The following ZNF138 variants were observed in gnomAD, a reference collection of about 807,000 sequenced individuals.
ZNF138 encodes zinc finger protein 138 (clone pHZ-32).
A neutral mutation model predicts 33.0 loss-of-function variants in ZNF138; 33 were observed. The ratio of observed to expected loss-of-function variants is 1.00; its 90% CI spans 0.76 to 1.34. The LOEUF is 1.34. Among genes scored for constraint, ZNF138 ranks in the 40% most tolerant of loss-of-function variants. ZNF138 has a pLI of 0.00. For missense variants in ZNF138, 360 were observed against 370.8 expected (o/e 0.97, Z 0.24); for synonymous variants, 139 against 120.4 (o/e 1.15, Z -1.01).
At chr7:64,852,515 A>G in the ZNF138 span, 1 of 1,574,178 alleles carries the variant, frequency 6.4e-7, no homozygotes, top group Non-Finnish European at 8.7e-7. Context: ...AATCCCAATA[A>G]TCCATGCTTG....
At chr7:64,815,777 T>G in intron 3 of ZNF138, 124 bp downstream of exon 3, 1 of 898,088 alleles carries the variant, frequency 1.1e-6, no homozygotes, top group Admixed American at 3.0e-5. Flanking sequence ...AAGCCTGAGT[T>G]TTTTATTTTG....
At chr7:64,805,872 C>T (rs142300373) in intron 1 of ZNF138, among the ~76,000 whole-genome samples, 18 of 152,280 alleles carry the variant, frequency 1.2e-4, no homozygotes, top group Non-Finnish European at 2.4e-4. Flanking sequence ...GGATGGCCTC[C>T]CCAATTACCA....
At chr7:64,845,101 G>C in the ZNF138 span, among the ~76,000 whole-genome samples, 1 of 152,130 alleles carries the variant, frequency 6.6e-6, no homozygotes, top group Non-Finnish European at 1.5e-5. Flanking sequence ...ACTCCTCTCT[G>C]AGTCTCCACC....
chr7:64,798,085 C>T (rs1053187041), intron 1 of ZNF138, among the ~76,000 whole-genome samples: 7 of 152,026 alleles, frequency 4.6e-5, no homozygotes, highest in African/African-American at 2.4e-5. Flanking sequence ...GGATTACAGC[C>T]GCCCACCACC....
chr7:64,816,305 T>C (rs1490400583), intron 3 of ZNF138, among the ~76,000 whole-genome samples: 2 of 152,084 alleles, frequency 1.3e-5, no homozygotes, highest in Non-Finnish European at 2.9e-5. Context: ...CATGGCACTT[T>C]AACAAAATTT....
At chr7:64,821,035 G>GTTTTT (rs71061313) in intron 3 of ZNF138, among the ~76,000 whole-genome samples, 6 of 146,006 alleles carry the variant, frequency 4.1e-5, no homozygotes, top group African/African-American at 1.5e-4. Flanking sequence ...TGAGGTGATT[G>GTTTTT]TTTTTTTTTG....
At chr7:64,859,492 A>G in the ZNF138 span, among the ~76,000 whole-genome samples, 1 of 152,222 alleles carries the variant, frequency 6.6e-6, no homozygotes, top group Non-Finnish European at 1.5e-5. Context: ...TTAAGGGACT[A>G]TGAGGTGATC....
chr7:64,831,831 TGTGAA>T lies in ZNF138; in HGVS notation c.591_595del (p.Cys197Ter). The stretch of plus-strand genomic sequence containing the variant: ...TCATACTAGAGAGAATTTCTACAAA[TGTGAA>T]GAGTGTGGAAAAACCTTTAACTGGT... On this transcript the variant is annotated frameshift_variant, in exon 4 of 4. Transcript: ENST00000307355. LOFTEE classifies it high-confidence loss of function. 6.2e-7 allele frequency: 1 copy of T among 1,613,854 alleles called. No homozygotes were observed. Among genetic ancestry groups the T allele is most frequent in the Non-Finnish European group, 8.5e-7 (1 of 1,179,910 alleles).
the ZNF138 span, among the ~76,000 whole-genome samples, chr7:64,850,534 C>T: frequency 6.6e-6 from 1 of 151,984 alleles, no homozygotes; most frequent in African/African-American, 2.4e-5. Context: ...AATTCAAAGC[C>T]AAAAATGTTG....
At chr7:64,831,396 T>G in intron 3 of ZNF138, 55 bp from the exon 4 acceptor site, 1 of 1,411,544 alleles carries the variant, frequency 7.1e-7, no homozygotes, top group Admixed American at 2.3e-5. Context: ...ATTTGTAAAG[T>G]ATATTCATCT....
intron 3 of ZNF138, among the ~76,000 whole-genome samples, chr7:64,826,157 T>A (rs1249433046): frequency 6.6e-6 from 1 of 152,202 alleles, no homozygotes; most frequent in Non-Finnish European, 1.5e-5. Flanking sequence ...ATTGATTGTT[T>A]AAAGAAAGGA....
chr7:64,794,725 G>A (rs1254065801), intron 1 of ZNF138, among the ~76,000 whole-genome samples, 154 bp downstream of exon 1: 3 of 152,204 alleles, frequency 2.0e-5, no homozygotes, highest in Non-Finnish European at 4.4e-5. Flanking sequence ...GTCCCCTTAA[G>A]CCATAGCATG....
At chr7:64,814,109 C>A in intron 1 of ZNF138, 1 of 1,222,168 alleles carries the variant, frequency 8.2e-7, no homozygotes, top group Non-Finnish European at 1.0e-6. Context: ...GGATATTTAA[C>A]AAGATATTCT....
intron 1 of ZNF138, among the ~76,000 whole-genome samples, chr7:64,813,725 C>T (rs971444241): frequency 7.0e-4 from 107 of 152,036 alleles, no homozygotes; most frequent in African/African-American, 2.5e-3. Flanking sequence ...TGAGTCACCC[C>T]GCCTGGCCAA....
At position 64,831,723 on chromosome 7, in the gene ZNF138, CAT is replaced by C; in HGVS notation, c.483_484del (p.Thr162Ter). 2 of 1,613,316 alleles carry C rather than the reference CAT, an allele frequency of 1.2e-6. No individual in the cohort carries two copies. Among genetic ancestry groups the C allele is most frequent in the Non-Finnish European group, 1.7e-6 (2 of 1,179,732 alleles). On this transcript the variant is annotated frameshift_variant, in exon 4 of 4. Transcript: ENST00000307355. LOFTEE classifies it high-confidence loss of function. ...FSNSNRHKIR[H>X]TENKHFRCKE... ...AAATTCAAATAGACACAAGATAAGA[CAT>C]ACTGAAAATAAACATTTCAGATGTA...
chr7:64,858,357 G>T, the ZNF138 span, among the ~76,000 whole-genome samples: 1 of 152,128 alleles, frequency 6.6e-6, no homozygotes. Context: ...AGAAGAAAGA[G>T]GAGGATGCAG....
At chr7:64,815,166 TCA>T in intron 2 of ZNF138, 122 bp downstream of exon 2, 1 of 1,070,572 alleles carries the variant, frequency 9.3e-7, no homozygotes, top group Non-Finnish European at 1.3e-6. Context: ...ATTCCTGTTT[TCA>T]AAAGAATCTT....
At chr7:64,855,323 C>T in the ZNF138 span, among the ~76,000 whole-genome samples, 3 of 152,146 alleles carry the variant, frequency 2.0e-5, no homozygotes, top group Non-Finnish European at 4.4e-5. Context: ...ATTTACAGTG[C>T]TCAATTGAAT....
chr7:64,811,092 C>T (rs1372424745), intron 1 of ZNF138, among the ~76,000 whole-genome samples: 1 of 152,120 alleles, frequency 6.6e-6, no homozygotes, highest in Non-Finnish European at 1.5e-5. Flanking sequence ...CTGTATCCCT[C>T]TCCTCTGTCT....
Sources: gnomAD v4.1 joint callset for allele counts (sites outside exome capture counted in the v4.1 genomes callset) on GRCh38, gnomAD v4.1.1 for gene constraint, MANE v1.5 for transcripts, NCBI Gene and HGNC (gene_info 2026-07-23, HGNC 2026-07-21) for gene names.